The following FOXP2 variants were observed in gnomAD, a reference collection of about 807,000 sequenced individuals.
The protein encoded by FOXP2 is forkhead box P2, also known as forkhead box protein P2.
A neutral mutation model predicts 115.8 loss-of-function variants in FOXP2; 12 were observed. The ratio of observed to expected loss-of-function variants is 0.10; its 90% CI spans 0.07 to 0.17. The LOEUF (loss-of-function observed/expected upper bound fraction) is 0.17, where lower values mean the gene tolerates loss of function less well. Among genes scored for constraint, FOXP2 ranks in the 10% least tolerant of loss-of-function variants. The probability of loss-of-function intolerance (pLI) is 1.00; values close to 1 mark genes in which losing one functional copy is unlikely to be tolerated. For synonymous variants in FOXP2, 328 were observed against 297.7 expected (o/e 1.10, Z -1.05); for missense variants, 629 against 843.5 (o/e 0.75, Z 3.15).
intron 2 of FOXP2, among the ~76,000 whole-genome samples, chr7:114,465,239 A>G (rs905941322): frequency 6.6e-6 from 1 of 152,204 alleles, no homozygotes; most frequent in African/African-American, 2.4e-5. Flanking sequence ...TGCTGGGATT[A>G]CAGGCATGAG....
At chr7:114,361,833 A>G (rs147266118) in intron 2 of FOXP2, among the ~76,000 whole-genome samples, 3 of 152,172 alleles carry the variant, frequency 2.0e-5, no homozygotes, top group Non-Finnish European at 4.4e-5. Flanking sequence ...TTTTTCCCCT[A>G]GACTTGATTG....
intron 2 of FOXP2, among the ~76,000 whole-genome samples, chr7:114,432,962 G>T (rs1794181582): frequency 6.6e-6 from 1 of 151,888 alleles, no homozygotes; most frequent in Admixed American, 6.6e-5. Flanking sequence ...GGAATTTACA[G>T]TTCACTCCTG....
In FOXP2 at chr7:114,690,167, ATTTTCTTG is replaced by A; in HGVS notation, c.*242_*249del. On this transcript the variant is annotated 3_prime_UTR_variant, in exon 17 of 17. Coordinates refer to ENST00000350908, the MANE Select transcript of FOXP2 (RefSeq NM_014491.4). ...TTTTTAGAAAAAAAGACAAAAACTG[ATTTTCTTG>A]AAAAAAAAAAATGAACTGTTCTTTC... 2.0e-6 allele frequency: 1 copy of A among 493,538 alleles called. No individual in the cohort carries two copies. The highest frequency in any genetic ancestry group is 3.1e-5 in the Admixed American group (1 of 32,716). The allele number at this position is 493,538 out of a possible 1,614,324, so 30.6% of individuals were successfully genotyped here.
intron 16 of FOXP2, chr7:114,664,693 G>T: frequency 2.1e-6 from 1 of 484,030 alleles, no homozygotes; most frequent in East Asian, 4.0e-5. Flanking sequence ...GTTCTCTTGG[G>T]CATAAAGCAG....
At chr7:114,547,193 G>A (rs1181798616) in intron 3 of FOXP2, among the ~76,000 whole-genome samples, 10 of 150,598 alleles carry the variant, frequency 6.6e-5, no homozygotes, top group Admixed American at 6.6e-4. Flanking sequence ...TTCTTGGCTA[G>A]ATAGCATATA....
chr7:114,584,624 GC>G, intron 3 of FOXP2, among the ~76,000 whole-genome samples: 1 of 152,040 alleles, frequency 6.6e-6, no homozygotes, highest in East Asian at 1.9e-4. Context: ...CAACTATCTT[GC>G]TAACAGACTC....
chr7:114,142,929 A>G (rs1301414108), intron 1 of FOXP2, among the ~76,000 whole-genome samples: 2 of 151,908 alleles, frequency 1.3e-5, no homozygotes, highest in Non-Finnish European at 2.9e-5. Context: ...GAGAAGATCG[A>G]TTGAGTCCAG....
chr7:114,690,304 G>T lies in FOXP2; in HGVS notation c.*378G>T. 1 of 456,216 alleles carries T rather than the reference G, an allele frequency of 2.2e-6. No individual in the cohort carries two copies. The highest frequency in any genetic ancestry group is 4.4e-6 in the Non-Finnish European group (1 of 228,410). The allele number at this position is 456,216 out of a possible 1,614,324, so 28.3% of individuals were successfully genotyped here. ...AGAAAGCAAATGCGCCTCATATACT[G>T]CCAAAAATAGTGTTAGTTTCATTAA... On this transcript the variant is annotated 3_prime_UTR_variant, in exon 17 of 17. Transcript: ENST00000350908.
intron 2 of FOXP2, among the ~76,000 whole-genome samples, chr7:114,453,076 C>G (rs561026279): frequency 4.3e-4 from 66 of 152,114 alleles, no homozygotes; most frequent in South Asian, 1.5e-3. Flanking sequence ...AAACTGAGTC[C>G]ATATTTGTTT....
At chr7:114,187,856 G>A (rs1441636742) in intron 1 of FOXP2, among the ~76,000 whole-genome samples, 2 of 152,076 alleles carry the variant, frequency 1.3e-5, no homozygotes, top group Non-Finnish European at 2.9e-5. Flanking sequence ...TCTCACAAGG[G>A]CTTTCTTGCA....
At chr7:114,362,596 A>T (rs564660873) in intron 2 of FOXP2, among the ~76,000 whole-genome samples, 104 of 152,198 alleles carry the variant, frequency 6.8e-4, no homozygotes, top group South Asian at 1.5e-3. Flanking sequence ...TTTTTAAAGT[A>T]GGGAAGCTGG....
chr7:114,642,811 T>TA (rs1805638821), intron 7 of FOXP2, among the ~76,000 whole-genome samples, 188 bp downstream of exon 7: 1 of 61,648 alleles, frequency 1.6e-5, no homozygotes, highest in African/African-American at 7.2e-5. Context: ...TATATATATA[T>TA]ATTTTTTTTT....
intron 1 of FOXP2, among the ~76,000 whole-genome samples, chr7:114,135,537 A>G (rs1792016359): frequency 6.6e-6 from 1 of 152,156 alleles, no homozygotes; most frequent in East Asian, 1.9e-4. Flanking sequence ...CTTAAGAGAT[A>G]AAAATAAATT....
chr7:114,554,147 T>C (rs966650118), intron 3 of FOXP2, among the ~76,000 whole-genome samples: 1 of 152,054 alleles, frequency 6.6e-6, no homozygotes, highest in Non-Finnish European at 1.5e-5. Context: ...CTTCTAAAAA[T>C]TTTTACCATT....
chr7:114,622,056 A>G (rs1294588737), intron 3 of FOXP2, among the ~76,000 whole-genome samples: 1 of 151,990 alleles, frequency 6.6e-6, no homozygotes, highest in Non-Finnish European at 1.5e-5. Flanking sequence ...TGTTTCATAC[A>G]TTTGTGTTTC....
At chr7:114,528,086 G>A (rs1302297880) in intron 2 of FOXP2, among the ~76,000 whole-genome samples, 1 of 151,886 alleles carries the variant, frequency 6.6e-6, no homozygotes, top group Non-Finnish European at 1.5e-5. Flanking sequence ...GTCATTTATT[G>A]TTTAGTTTAT....
intron 2 of FOXP2, among the ~76,000 whole-genome samples, chr7:114,289,161 C>G (rs1650684745): frequency 6.6e-6 from 1 of 151,714 alleles, no homozygotes; most frequent in African/African-American, 2.4e-5. Context: ...TCATTTCTTA[C>G]CAGTTTTAGT....
At chr7:114,626,495 A>G (rs1804593253) in intron 3 of FOXP2, among the ~76,000 whole-genome samples, 1 of 151,656 alleles carries the variant, frequency 6.6e-6, no homozygotes, top group Non-Finnish European at 1.5e-5. Flanking sequence ...AAAGTGCGAC[A>G]AGCTTCTTAT....
At chr7:114,540,530 CTTAG>C (rs1331353840) in intron 3 of FOXP2, among the ~76,000 whole-genome samples, 1 of 151,922 alleles carries the variant, frequency 6.6e-6, no homozygotes, top group Non-Finnish European at 1.5e-5. Context: ...GGACTTATGA[CTTAG>C]TTGAGGAGAT....
Sources: gnomAD v4.1 joint callset for allele counts (sites outside exome capture counted in the v4.1 genomes callset) on GRCh38, gnomAD v4.1.1 for gene constraint, MANE v1.5 for transcripts, NCBI Gene and HGNC (gene_info 2026-07-23, HGNC 2026-07-21) for gene names.